WWOX: variants seen among roughly 807,000 people sequenced by gnomAD.
The protein encoded by WWOX is WW domain containing oxidoreductase, also known as WW domain-containing oxidoreductase.
In WWOX, 69 loss-of-function variants were observed where a neutral mutation model predicts 46.2. The ratio of observed to expected loss-of-function variants is 1.49; its 90% CI spans 1.23 to 1.82. The LOEUF (loss-of-function observed/expected upper bound fraction) is 1.82. Ranked by LOEUF, WWOX falls within the 40% of genes most tolerant of loss-of-function variation. WWOX has a pLI of 0.00. For missense variants in WWOX, 919 were observed against 542.6 expected (o/e 1.69, Z -6.89); for synonymous variants, 359 against 202.6 (o/e 1.77, Z -6.56).
chr16:79,166,122 G>A (rs1597438366), intron 8 of WWOX, among the ~76,000 whole-genome samples: 1 of 152,272 alleles, frequency 6.6e-6, no homozygotes, highest in African/African-American at 2.4e-5. Flanking sequence ...GGGTATTGCC[G>A]AAGTCCATTC....
intron 5 of WWOX, among the ~76,000 whole-genome samples, chr16:78,361,197 T>G (rs757534287): frequency 2.0e-5 from 3 of 152,172 alleles, no homozygotes; most frequent in Non-Finnish European, 2.9e-5. Context: ...TGTCCAGTAT[T>G]TTCTCATCAT....
chr16:78,837,819 T>A (rs2052031083), intron 8 of WWOX, among the ~76,000 whole-genome samples: 1 of 152,204 alleles, frequency 6.6e-6, no homozygotes, highest in Admixed American at 6.5e-5. Context: ...ATATTTATTA[T>A]TTTACTTAAT....
At chr16:79,166,795 T>G (rs1200948728) in intron 8 of WWOX, among the ~76,000 whole-genome samples, 1 of 152,206 alleles carries the variant, frequency 6.6e-6, no homozygotes, top group African/African-American at 2.4e-5. Context: ...GTATATATCT[T>G]GTTAATAGTA....
chr16:78,596,883 A>G (rs1016491922), intron 8 of WWOX, among the ~76,000 whole-genome samples: 9 of 152,104 alleles, frequency 5.9e-5, no homozygotes, highest in Non-Finnish European at 4.4e-5. Context: ...CACACACACA[A>G]TCAGCCAGCT....
chr16:78,219,050 G>T (rs963707152), intron 5 of WWOX, among the ~76,000 whole-genome samples: 1 of 152,188 alleles, frequency 6.6e-6, no homozygotes, highest in Non-Finnish European at 1.5e-5. Flanking sequence ...AATTTAACAA[G>T]ATCTTGGTGA....
At chr16:79,159,321 G>C (rs1400254694) in intron 8 of WWOX, among the ~76,000 whole-genome samples, 2 of 152,214 alleles carry the variant, frequency 1.3e-5, no homozygotes, top group Admixed American at 1.3e-4. Flanking sequence ...TTATAAAGCA[G>C]TGTTAAATTT....
Position 78,452,270 on chromosome 16 carries a change from A to G in WWOX, c.1056+19518A>G, listed in dbSNP as rs1336297172. ...CCTTTGAACAAATGGATATTTGAGA[A>G]CCATCCTGTCTTCAGATTTAGATTT... is the stretch of plus-strand genomic sequence containing the variant. On this transcript the variant is annotated intron_variant, in intron 8 of 8. Coordinates refer to ENST00000566780, the MANE Select transcript of WWOX (RefSeq NM_016373.4). Among the ~76,000 whole-genome samples, 2 of 152,048 alleles carry G rather than the reference A, an allele frequency of 1.3e-5. 1 individual carries two copies. The highest frequency in any genetic ancestry group is 3.9e-4 in the East Asian group (2 of 5,186).
chr16:78,876,098 T>G (rs1334912373), intron 8 of WWOX, among the ~76,000 whole-genome samples: 1 of 152,206 alleles, frequency 6.6e-6, no homozygotes, highest in South Asian at 2.1e-4. Flanking sequence ...TGAGGAACTC[T>G]AGATATTTCA....
intron 8 of WWOX, among the ~76,000 whole-genome samples, chr16:78,447,832 C>G (rs962215587): frequency 2.0e-4 from 30 of 152,130 alleles, no homozygotes; most frequent in African/African-American, 7.2e-4. Flanking sequence ...GAGTTGGAGT[C>G]TCCTTGTGTC....
At chr16:78,726,992 C>T (rs1256921714) in intron 8 of WWOX, among the ~76,000 whole-genome samples, 1 of 152,106 alleles carries the variant, frequency 6.6e-6, no homozygotes, top group African/African-American at 2.4e-5. Flanking sequence ...TTTCCTTTTT[C>T]CTGAGAGCAG....
chr16:78,830,561 C>G (rs1357472937), intron 8 of WWOX, among the ~76,000 whole-genome samples: 1 of 152,026 alleles, frequency 6.6e-6, no homozygotes, highest in Non-Finnish European at 1.5e-5. Flanking sequence ...CCAGCATCTT[C>G]TTTCACCTCT....
chr16:78,761,045 G>T (rs1416340281), intron 8 of WWOX, among the ~76,000 whole-genome samples: 1 of 152,082 alleles, frequency 6.6e-6, no homozygotes, highest in Non-Finnish European at 1.5e-5. Flanking sequence ...TCTCCTACCA[G>T]GCCCCTCCTA....
intron 5 of WWOX, among the ~76,000 whole-genome samples, chr16:78,209,739 TAAAA>T (rs5818116): frequency 8.9e-5 from 13 of 145,854 alleles, no homozygotes; most frequent in African/African-American, 1.0e-4. Context: ...TTGCGGAGAT[TAAAA>T]AAAAAAAAAA....
intron 8 of WWOX, chr16:79,203,367 G>A (rs1377959750): frequency 1.3e-5 from 2 of 152,166 alleles, no homozygotes; most frequent in South Asian, 2.1e-4. Context: ...TTGAAATAGC[G>A]GGGCTGGACA....
chr16:78,486,896 C>G (rs567375955), intron 8 of WWOX, among the ~76,000 whole-genome samples: 1 of 152,160 alleles, frequency 6.6e-6, no homozygotes, highest in East Asian at 1.9e-4. Flanking sequence ...TTAAATTGCA[C>G]CTTGGGTTCG....
intron 4 of WWOX, among the ~76,000 whole-genome samples, chr16:78,145,722 G>GT (rs1428337734): frequency 6.6e-6 from 1 of 152,086 alleles, no homozygotes; most frequent in African/African-American, 2.4e-5. Context: ...AGGCTTCTTC[G>GT]TGTTCACATA....
intron 5 of WWOX, among the ~76,000 whole-genome samples, chr16:78,185,611 G>A (rs188862885): frequency 6.6e-6 from 1 of 152,032 alleles, no homozygotes; most frequent in Admixed American, 6.6e-5. Flanking sequence ...GGAGATATGC[G>A]TTCATTCAAA....
intron 8 of WWOX, among the ~76,000 whole-genome samples, chr16:78,503,012 TTAA>T (rs1184004063): frequency 6.6e-6 from 1 of 152,238 alleles, no homozygotes; most frequent in Non-Finnish European, 1.5e-5. Flanking sequence ...GTTTGTATGA[TTAA>T]TGAGTCCATG....
intron 1 of WWOX, among the ~76,000 whole-genome samples, chr16:78,102,081 C>T (rs2031834516): frequency 6.6e-6 from 1 of 152,102 alleles, no homozygotes; most frequent in African/African-American, 2.4e-5. Context: ...CCTCCACACC[C>T]AGCTAATTAT....
Sources: gnomAD v4.1 joint callset for allele counts (sites outside exome capture counted in the v4.1 genomes callset) on GRCh38, gnomAD v4.1.1 for gene constraint, MANE v1.5 for transcripts, NCBI Gene and HGNC (gene_info 2026-07-23, HGNC 2026-07-21) for gene names.